NPFFR2: variants seen among roughly 807,000 people sequenced by gnomAD.
NPFFR2 encodes the protein neuropeptide FF receptor 2.
In NPFFR2, 15 loss-of-function variants were observed where a neutral mutation model predicts 13.1. The ratio of observed to expected loss-of-function variants is 1.15; its 90% confidence interval spans 0.77 to 1.76. The LOEUF (loss-of-function observed/expected upper bound fraction) is 1.76, where lower values mean the gene tolerates loss of function less well. Among genes scored for constraint, NPFFR2 ranks in the 40% most tolerant of loss-of-function variants. The probability of loss-of-function intolerance (pLI) is 0.00; values close to 1 mark genes in which losing one functional copy is unlikely to be tolerated. For synonymous variants in NPFFR2, 190 were observed against 175.7 expected, an observed-to-expected ratio of 1.08 and a Z score of -0.65; for missense variants, 572 against 503.5, an observed-to-expected ratio of 1.14 and a Z score of -1.30.
At chr4:72,135,237 G>T (rs1417509982) in intron 2 of NPFFR2, among the ~76,000 whole-genome samples, 3 of 152,032 alleles carry the variant, frequency 2.0e-5, no homozygotes, top group African/African-American at 7.2e-5. Context: ...ATGAAACTAT[G>T]CTTTGAAGTA....
chr4:72,071,196 C>A (rs1470400729), intron 1 of NPFFR2, among the ~76,000 whole-genome samples: 1 of 152,176 alleles, frequency 6.6e-6, no homozygotes, highest in Non-Finnish European at 1.5e-5. Context: ...AGGTGTTTCT[C>A]ATGCACAGAC....
chr4:72,086,678 A>C (rs911707236), intron 1 of NPFFR2, among the ~76,000 whole-genome samples: 1 of 152,158 alleles, frequency 6.6e-6, no homozygotes, highest in Non-Finnish European at 1.5e-5. Flanking sequence ...AGTTCTGTTT[A>C]GTATCCAGAA....
chr4:72,100,496 C>T (rs1721209113), intron 1 of NPFFR2, among the ~76,000 whole-genome samples: 1 of 151,936 alleles, frequency 6.6e-6, no homozygotes, highest in Non-Finnish European at 1.5e-5. Flanking sequence ...GTATAAAATT[C>T]TTGTTATCAG....
chr4:72,070,561 G>GTGTGT (rs368654718), intron 1 of NPFFR2, among the ~76,000 whole-genome samples: 7,586 of 131,566 alleles, frequency 0.058, 486 homozygotes, highest in South Asian at 0.093. Flanking sequence ...GTGTGTGTGT[G>GTGTGT]GGGGGGGGGG....
intron 1 of NPFFR2, among the ~76,000 whole-genome samples, chr4:72,075,547 G>C (rs1720400286): frequency 6.6e-6 from 1 of 151,986 alleles, no homozygotes; most frequent in Admixed American, 6.6e-5. Flanking sequence ...TATAACTAAG[G>C]AAACAGTGGA....
At chr4:72,032,870 A>C (rs1174315161) in intron 1 of NPFFR2, among the ~76,000 whole-genome samples, 1 of 152,222 alleles carries the variant, frequency 6.6e-6, no homozygotes. Flanking sequence ...TTAAAGACAG[A>C]ACTACTAACT....
At chr4:72,038,289 G>A (rs1447826997) in intron 1 of NPFFR2, among the ~76,000 whole-genome samples, 3 of 152,108 alleles carry the variant, frequency 2.0e-5, no homozygotes, top group Non-Finnish European at 2.9e-5. Flanking sequence ...TCTCATTTAT[G>A]TGTTCACTTA....
chr4:72,045,776 T>G (rs1342004191), intron 1 of NPFFR2, among the ~76,000 whole-genome samples: 2 of 152,186 alleles, frequency 1.3e-5, no homozygotes, highest in African/African-American at 4.8e-5. Flanking sequence ...GTGTGGGTAC[T>G]CAAAGTATGG....
In NPFFR2 at chr4:72,147,037, T is replaced by C. The variant is rs755039180; in HGVS notation, c.488T>C (p.Ile163Thr). ...CTCACTATCAAGACAGCGTTTGTCATTATTATGATCATCTGGGTCCTAGCC... is the reference window on the plus strand; with the variant it reads ...CTCACTATCAAGACAGCGTTTGTCACTATTATGATCATCTGGGTCCTAGCC... Reference protein sequence around the residue: ...PKLTIKTAFVIIMIIWVLAIT... With the variant: ...PKLTIKTAFVTIMIIWVLAIT... The change falls in exon 4 of 4, where the codon ATT becomes ACT. Residue 163 changes from isoleucine (I) to threonine (T), a missense_variant. Ile to Thr is a moderately conservative substitution (Grantham distance 89, BLOSUM62 -1). Coordinates refer to ENST00000308744, the MANE Select transcript of NPFFR2 (RefSeq NM_004885.3). 4 of 1,614,146 alleles carry C rather than the reference T, an allele frequency of 2.5e-6. No individual in the cohort carries two copies. The East Asian group carries it at 8.9e-5, about 36-fold the overall frequency.
At chr4:72,080,350 A>G (rs1211721631) in intron 1 of NPFFR2, among the ~76,000 whole-genome samples, 1 of 151,902 alleles carries the variant, frequency 6.6e-6, no homozygotes, top group Non-Finnish European at 1.5e-5. Context: ...TTTTTAGTAG[A>G]GACAGGGTTT....
chr4:72,130,345 CAT>C (rs1198534013), intron 2 of NPFFR2, among the ~76,000 whole-genome samples: 1 of 152,090 alleles, frequency 6.6e-6, no homozygotes, highest in African/African-American at 2.4e-5. Flanking sequence ...TTTAGGCCCT[CAT>C]GTGGTTAGCT....
At chr4:72,130,057 GGGGGTAA>G (rs1722186642) in intron 2 of NPFFR2, among the ~76,000 whole-genome samples, 1 of 147,562 alleles carries the variant, frequency 6.8e-6, no homozygotes, top group Admixed American at 6.8e-5. Flanking sequence ...GCACGGGGTT[GGGGGTAA>G]GGTCATAGAT....
intron 1 of NPFFR2, among the ~76,000 whole-genome samples, chr4:72,124,577 A>G (rs1000502421): frequency 8.5e-5 from 13 of 152,164 alleles, no homozygotes; most frequent in Non-Finnish European, 1.6e-4. Flanking sequence ...CAAAACAGAT[A>G]TATAGACCGT....
At position 72,128,818 on chromosome 4, in the gene NPFFR2, T is replaced by C; in HGVS notation, c.227T>C (p.Met76Thr). 6.2e-7 allele frequency: 1 copy of C among 1,614,120 alleles called. No individual in the cohort carries two copies. Among genetic ancestry groups the C allele is most frequent in the Non-Finnish European group, 8.5e-7 (1 of 1,179,964 alleles). The change falls in exon 2 of 4, where the codon ATG (methionine) becomes ACG (threonine). Residue 76 changes from methionine to threonine, a missense_variant. Transcript: ENST00000308744. ...TTTATTGTAATGAGGAACAAACATA[T>C]GCACACAGTCACTAATCTCTTCATC... ...VCFIVMRNKH[M>T]HTVTNLFILN... is the part of the protein sequence containing the mutation.
chr4:72,046,818 G>A (rs1258092264), intron 1 of NPFFR2, among the ~76,000 whole-genome samples: 2 of 152,114 alleles, frequency 1.3e-5, no homozygotes, highest in Non-Finnish European at 2.9e-5. Flanking sequence ...CATAAGGGGT[G>A]GTGACCAAAA....
At position 72,147,761 on chromosome 4, in the gene NPFFR2, G is replaced by A; in HGVS notation, c.1212G>A (p.Gln404=). 1 of 1,591,234 alleles carries A rather than the reference G, an allele frequency of 6.3e-7. No individual in the cohort carries two copies. Among genetic ancestry groups the A allele is most frequent in the Admixed American group, 1.9e-5 (1 of 52,698 alleles). ...GGAAAAGTGCTGAAAAACCCCAACA[G>A]GAATTAGTGATGGAAGAATTAAAAG... The part of the protein sequence containing the change: ...LYRKSAEKPQ[Q]ELVMEELKET... The change falls in exon 4 of 4, where the codon CAG becomes CAA. Residue 404 remains glutamine (Q), a synonymous_variant. Coordinates refer to ENST00000308744, the MANE Select transcript of NPFFR2 (RefSeq NM_004885.3).
chr4:72,032,127 A>C lies in NPFFR2; in HGVS notation c.-81A>C. 2 of 1,614,134 alleles carry C rather than the reference A, an allele frequency of 1.2e-6. No homozygotes were observed. Among genetic ancestry groups the C allele is most frequent in the Non-Finnish European group, 8.5e-7 (1 of 1,180,002 alleles). On this transcript the variant is annotated 5_prime_UTR_variant, in exon 1 of 4. Coordinates refer to ENST00000308744, the MANE Select transcript of NPFFR2 (RefSeq NM_004885.3). ...TGCGAAAAGTAGCTGGAGCCGGAGC[A>C]GGGACAGAACCTGTTGCTGCAGACG...
intron 1 of NPFFR2, among the ~76,000 whole-genome samples, chr4:72,117,582 C>T (rs1721749593): frequency 1.3e-5 from 2 of 150,000 alleles, no homozygotes; most frequent in Admixed American, 1.3e-4. Flanking sequence ...ACGAAAGCTG[C>T]GACATGGTCT....
intron 1 of NPFFR2, among the ~76,000 whole-genome samples, chr4:72,074,541 T>C: frequency 6.6e-6 from 1 of 152,104 alleles, no homozygotes; most frequent in East Asian, 1.9e-4. Flanking sequence ...GGAAAAACCA[T>C]AATGTATATA....
Sources: allele counts gnomAD v4.1 joint callset (sites outside exome capture counted in the v4.1 genomes callset), GRCh38; gene constraint gnomAD v4.1.1; transcripts MANE v1.5; gene names NCBI Gene and HGNC (gene_info 2026-07-23, HGNC 2026-07-21).